The following XKR4 variants were observed in gnomAD, a reference collection of about 807,000 sequenced individuals.
XKR4 encodes XK related 4.
Under a neutral mutation model 53.9 loss-of-function variants are expected in XKR4, and 12 were observed. That is an observed-to-expected ratio of 0.22 (90% CI 0.14 to 0.36). The LOEUF (loss-of-function observed/expected upper bound fraction) is 0.36. Ranked by LOEUF, XKR4 falls within the 10% of genes least tolerant of loss-of-function variation. The pLI, the probability that XKR4 is intolerant of heterozygous loss-of-function variation, is 1.00. For missense variants in XKR4, 799 were observed against 859.5 expected (o/e 0.93, Z 0.88); for synonymous variants, 354 against 362.4 (o/e 0.98, Z 0.26).
intron 2 of XKR4, among the ~76,000 whole-genome samples, chr8:55,470,494 T>C (rs1218628552): frequency 6.6e-6 from 1 of 152,172 alleles, no homozygotes; most frequent in Non-Finnish European, 1.5e-5. Context: ...ACGTGAGACA[T>C]GTCACCATGA....
intron 1 of XKR4, among the ~76,000 whole-genome samples, chr8:55,310,108 A>T (rs892674822): frequency 2.0e-5 from 3 of 152,152 alleles, no homozygotes; most frequent in Non-Finnish European, 4.4e-5. Flanking sequence ...AAAGGGCTCC[A>T]TTACCCCCTC....
chr8:55,232,761 C>G (rs764822231), intron 1 of XKR4, among the ~76,000 whole-genome samples: 17 of 152,126 alleles, frequency 1.1e-4, no homozygotes, highest in Non-Finnish European at 2.4e-4. Context: ...GTTTTGCCCT[C>G]CAAGTCTTAG....
intron 2 of XKR4, chr8:55,450,081 CT>C: frequency 1.4e-6 from 1 of 725,596 alleles, no homozygotes; most frequent in South Asian, 1.4e-5. Flanking sequence ...GCCATGCAGC[CT>C]TCACGCGGTC....
At chr8:55,431,815 T>A (rs1265876519) in intron 2 of XKR4, among the ~76,000 whole-genome samples, 1 of 152,210 alleles carries the variant, frequency 6.6e-6, no homozygotes. Context: ...TCAAGAAAAA[T>A]TCACCCTTAT....
At chr8:55,410,647 G>A (rs1312005586) in intron 2 of XKR4, among the ~76,000 whole-genome samples, 5 of 149,912 alleles carry the variant, frequency 3.3e-5, no homozygotes, top group Admixed American at 3.3e-4. Flanking sequence ...GTCCCCATTT[G>A]CCCCTGCCTG....
chr8:55,408,848 T>C (rs115617088), intron 2 of XKR4, among the ~76,000 whole-genome samples: 2,329 of 151,634 alleles, frequency 0.015, 63 homozygotes, highest in African/African-American at 0.054. Context: ...CCCTACCAAA[T>C]ATACAAAAAT....
intron 1 of XKR4, among the ~76,000 whole-genome samples, chr8:55,355,564 A>G (rs529155031): frequency 6.6e-6 from 1 of 152,234 alleles, no homozygotes; most frequent in Non-Finnish European, 1.5e-5. Context: ...ATCAAGGTAC[A>G]TTCTAATAAA....
At chr8:55,206,018 G>A (rs959969229) in intron 1 of XKR4, among the ~76,000 whole-genome samples, 2 of 152,102 alleles carry the variant, frequency 1.3e-5, no homozygotes, top group Admixed American at 6.6e-5. Flanking sequence ...TAAAGGTGGC[G>A]CGTCTGGAGT....
intron 1 of XKR4, among the ~76,000 whole-genome samples, chr8:55,289,339 A>G (rs1342299826): frequency 6.6e-6 from 1 of 151,810 alleles, no homozygotes; most frequent in Non-Finnish European, 1.5e-5. Flanking sequence ...CAATGTGGTG[A>G]AACTCCATCT....
chr8:55,140,208 C>T, intron 1 of XKR4: 1 of 405,498 alleles, frequency 2.5e-6, no homozygotes, highest in South Asian at 1.8e-5. Flanking sequence ...TGAGTTCCAT[C>T]TGCAGACTCT....
chr8:55,192,736 G>T (rs1409239425), intron 1 of XKR4, among the ~76,000 whole-genome samples: 2 of 152,188 alleles, frequency 1.3e-5, no homozygotes, highest in South Asian at 2.1e-4. Context: ...ATTCTGGTTA[G>T]ATTTGTGGGG....
intron 2 of XKR4, among the ~76,000 whole-genome samples, chr8:55,495,217 G>A (rs544592910): frequency 1.3e-5 from 2 of 152,222 alleles, no homozygotes; most frequent in Non-Finnish European, 2.9e-5. Context: ...ATTGGAGTGG[G>A]CACTGACCAC....
At chr8:55,381,433 C>G (rs1804231247) in intron 2 of XKR4, among the ~76,000 whole-genome samples, 1 of 152,094 alleles carries the variant, frequency 6.6e-6, no homozygotes, top group Admixed American at 6.5e-5. Context: ...GCTGAAGAAC[C>G]AGGAAAGTGG....
At position 55,116,022 on chromosome 8, in the gene XKR4, TAG is replaced by T. The variant is rs554290627; in HGVS notation, c.806+12733_806+12734del. Among the ~76,000 whole-genome samples the T allele has an allele frequency of 3.0e-4, 46 of 152,082 alleles. 1 individual carries two copies. The highest frequency in any genetic ancestry group is 6.8e-3 in the Middle Eastern group (2 of 294). On this transcript the variant is annotated intron_variant, in intron 1 of 2. Transcript: ENST00000327381. The stretch of plus-strand genomic sequence containing the variant: ...CTTCAGAGTAACCAGACACCAAGAA[TAG>T]AGAGTGAAGAGCTCTGACCAAGACA...
chr8:55,132,712 G>A (rs1816575282), intron 1 of XKR4, among the ~76,000 whole-genome samples: 1 of 152,176 alleles, frequency 6.6e-6, no homozygotes, highest in African/African-American at 2.4e-5. Flanking sequence ...TGGCTGCTGG[G>A]TCCTAACGTA....
rs76274100 is a variant in XKR4 at position 55,305,104 on chromosome 8, G to A, written c.807-52574G>A. On this transcript the variant is annotated intron_variant, in intron 1 of 2. Coordinates refer to ENST00000327381, the MANE Select transcript of XKR4 (RefSeq NM_052898.2). Reference sequence around the variant, plus strand: ...GTGGCGATGGGACTACAGGGGAAAGGTCTAGAACCCACTGTTCTGTATAGC... The same window carrying A: ...GTGGCGATGGGACTACAGGGGAAAGATCTAGAACCCACTGTTCTGTATAGC... 3.9e-3 allele frequency among the ~76,000 whole-genome samples: 597 copies of A among 152,256 alleles called. 1 individual carries two copies. Among genetic ancestry groups the A allele is most frequent in the South Asian group, 0.021 (101 of 4,820 alleles).
chr8:55,291,971 A>G (rs926944797), intron 1 of XKR4, among the ~76,000 whole-genome samples: 1 of 152,144 alleles, frequency 6.6e-6, no homozygotes, highest in African/African-American at 2.4e-5. Flanking sequence ...ATGGCCTATT[A>G]AGGTGGATTA....
intron 1 of XKR4, among the ~76,000 whole-genome samples, chr8:55,253,974 C>A (rs1023396493): frequency 3.3e-5 from 5 of 151,814 alleles, no homozygotes; most frequent in African/African-American, 1.2e-4. Context: ...ACCTGCCTGG[C>A]CCCCCAAAGT....
chr8:55,172,068 G>A (rs894750912), intron 1 of XKR4, among the ~76,000 whole-genome samples: 1 of 152,080 alleles, frequency 6.6e-6, no homozygotes, highest in Non-Finnish European at 1.5e-5. Context: ...ACAAAAATTA[G>A]CTGGGCGTGG....
Sources: gnomAD v4.1 joint callset for allele counts (sites outside exome capture counted in the v4.1 genomes callset) on GRCh38, gnomAD v4.1.1 for gene constraint, MANE v1.5 for transcripts, NCBI Gene and HGNC (gene_info 2026-07-23, HGNC 2026-07-21) for gene names.